USP39: variants seen among roughly 807,000 people sequenced by gnomAD.
The protein encoded by USP39 is ubiquitin carboxyl-terminal hydrolase 39.
Under a neutral mutation model 66.4 loss-of-function variants are expected in USP39, and 38 were observed. That is an observed-to-expected ratio of 0.57 (90% CI 0.44 to 0.75). The LOEUF is 0.75. Ranked by LOEUF, USP39 falls within the 30% of genes least tolerant of loss-of-function variation. The pLI, the probability that USP39 is intolerant of heterozygous loss-of-function variation, is 0.00. For synonymous variants in USP39, 303 were observed against 274.6 expected (o/e 1.10, Z -1.02); for missense variants, 608 against 714.4 (o/e 0.85, Z 1.70).
At chr2:85,627,772 C>T (rs1674991238) in intron 5 of USP39, among the ~76,000 whole-genome samples, 1 of 151,770 alleles carries the variant, frequency 6.6e-6, no homozygotes, top group Admixed American at 6.6e-5. Context: ...AAAGTGCAGG[C>T]ATTACAGGTG....
In USP39 at chr2:85,635,946, A is replaced by G. The variant is rs933501961; in HGVS notation, c.950-107A>G. The G allele has an allele frequency of 4.0e-6, 4 of 1,009,670 alleles. No individual in the cohort carries two copies. The African/African-American group carries it at 4.8e-5, about 12-fold the overall frequency. 62.5% of individuals were successfully genotyped at this position (1,009,670 alleles called of 1,614,324 possible). A position where few individuals can be genotyped will look rare whatever the true frequency, so the allele number is the denominator to read the frequency against. On this transcript the variant is annotated intron_variant, in intron 6 of 12. Transcript: ENST00000323701. ...TGCACGGCAGTTGGGATGGGATGGCATGGCCAGAGAGGAAGGGGGAGAACC... is the reference window on the plus strand; with the variant it reads ...TGCACGGCAGTTGGGATGGGATGGCGTGGCCAGAGAGGAAGGGGGAGAACC...
chr2:85,644,046 A>G (rs1387426070), intron 10 of USP39, among the ~76,000 whole-genome samples: 1 of 152,240 alleles, frequency 6.6e-6, no homozygotes, highest in Non-Finnish European at 1.5e-5. Flanking sequence ...TCACCAATAC[A>G]TAGAAAGCTA....
intron 6 of USP39, among the ~76,000 whole-genome samples, chr2:85,631,912 C>G (rs1390214395): frequency 6.6e-6 from 1 of 150,480 alleles, no homozygotes; most frequent in Admixed American, 6.7e-5. Context: ...ACATGCCCAG[C>G]TAATTTTTGT....
intron 4 of USP39, 46 bp from the exon 5 acceptor site, chr2:85,625,492 TG>T (rs1196278396): frequency 1.2e-6 from 2 of 1,608,080 alleles, no homozygotes; most frequent in African/African-American, 2.7e-5. Flanking sequence ...AGACATTTCT[TG>T]TGAACTCAGC....
intron 7 of USP39, 31 bp from the exon 8 acceptor site, chr2:85,637,338 G>A (rs765252707): frequency 1.2e-5 from 20 of 1,612,378 alleles, no homozygotes; most frequent in South Asian, 9.9e-5. Context: ...CCATCCTCAC[G>A]GAATTTGTCT....
intron 1 of USP39, among the ~76,000 whole-genome samples, chr2:85,603,692 C>T (rs1261369651): frequency 6.6e-6 from 1 of 151,400 alleles, no homozygotes; most frequent in African/African-American, 2.4e-5. Context: ...CACGGGTTCA[C>T]GCCATTCTCC....
chr2:85,625,491 T>C, intron 4 of USP39, 48 bp from the exon 5 acceptor site: 1 of 1,607,942 alleles, frequency 6.2e-7, no homozygotes, highest in Non-Finnish European at 8.5e-7. Flanking sequence ...CAGACATTTC[T>C]TGTGAACTCA....
upstream of USP39, chr2:85,609,502 C>T (rs1391655552): frequency 6.2e-7 from 1 of 1,614,178 alleles, no homozygotes; most frequent in African/African-American, 1.3e-5. Context: ...GAGCTGATGG[C>T]CAGAAGGCTC....
chr2:85,619,555 G>A (rs1674288886), intron 2 of USP39, among the ~76,000 whole-genome samples: 1 of 149,240 alleles, frequency 6.7e-6, no homozygotes, highest in African/African-American at 2.5e-5. Flanking sequence ...AATGTTTATG[G>A]AGTATCTAGT....
chr2:85,636,901 A>G (rs1675817473), intron 7 of USP39, among the ~76,000 whole-genome samples: 2 of 152,146 alleles, frequency 1.3e-5, no homozygotes, highest in Admixed American at 1.3e-4. Flanking sequence ...GCAGGGTTCT[A>G]GAACTTGGTT....
intron 1 of USP39, among the ~76,000 whole-genome samples, chr2:85,605,229 A>C (rs908045617): frequency 6.6e-6 from 1 of 152,142 alleles, no homozygotes; most frequent in Non-Finnish European, 1.5e-5. Flanking sequence ...TACACAAGTT[A>C]TTTCACAACT....
At chr2:85,613,304 C>T (rs1165432687), upstream of USP39, among the ~76,000 whole-genome samples, 5 of 152,016 alleles carry the variant, frequency 3.3e-5, no homozygotes, top group East Asian at 7.7e-4. Flanking sequence ...GTCAGGAGTT[C>T]GAGACTAGCC....
chr2:85,619,656 G>A (rs1436386892), intron 2 of USP39, among the ~76,000 whole-genome samples: 2 of 151,436 alleles, frequency 1.3e-5, no homozygotes, highest in African/African-American at 4.9e-5. Context: ...CCTCATCATA[G>A]CATTCTTTTC....
intron 1 of USP39, among the ~76,000 whole-genome samples, chr2:85,603,595 CTTTT>C (rs767019412): frequency 7.0e-6 from 1 of 143,094 alleles, no homozygotes; most frequent in African/African-American, 2.6e-5. Flanking sequence ...TTTTCTTTTT[CTTTT>C]TTTTTTTTTT....
In USP39 at chr2:85,616,422, G is replaced by C. The variant is rs1220505044; in HGVS notation, c.227G>C (p.Arg76Pro). Residue 76 changes from arginine (R) to proline (P), a missense_variant, in exon 1 of 13, where the codon CGC (arginine) becomes CCC (proline). Around this residue, in one of 6 missense-constraint regions of USP39, gnomAD observed 207 missense variants for 145.7 expected, o/e 1.42. Transcript: ENST00000323701. ...VVPFVRVKRE[R>P]EVDEDSEPER... is the part of the protein sequence containing the mutation. Reference sequence around the variant, plus strand: ...CCGTTTGTGCGGGTGAAGCGGGAGCGCGAGGTCGATGAGGACTCGGAGCCT... The same window carrying C: ...CCGTTTGTGCGGGTGAAGCGGGAGCCCGAGGTCGATGAGGACTCGGAGCCT... The C allele has an allele frequency of 6.3e-7, 1 of 1,593,652 alleles. No homozygotes were observed. Among genetic ancestry groups the C allele is most frequent in the East Asian group, 2.3e-5 (1 of 43,920 alleles).
chr2:85,606,408 G>A (rs974660395), intron 1 of USP39, among the ~76,000 whole-genome samples: 1 of 152,332 alleles, frequency 6.6e-6, no homozygotes, highest in African/African-American at 2.4e-5. Flanking sequence ...AAACTGAATA[G>A]TACTGCCTTG....
chr2:85,615,918 C>G (rs1673887913), upstream of USP39, among the ~76,000 whole-genome samples: 1 of 152,244 alleles, frequency 6.6e-6, no homozygotes, highest in Non-Finnish European at 1.5e-5. Flanking sequence ...GCGTAAGCCA[C>G]CGCGCCCGGC....
chr2:85,616,908 TCTCGATCTC>T (rs1390478106), intron 1 of USP39, among the ~76,000 whole-genome samples: 3 of 151,892 alleles, frequency 2.0e-5, no homozygotes, highest in Non-Finnish European at 2.9e-5. Context: ...GCCAGGATGG[TCTCGATCTC>T]CTGACTTCGT....
rs188502939 is a variant in USP39 at position 85,616,608 on chromosome 2, C to A, written c.268+145C>A. On this transcript the variant is annotated intron_variant, in intron 1 of 12. Coordinates refer to ENST00000323701, the MANE Select transcript of USP39 (RefSeq NM_006590.4). Reference sequence around the variant, plus strand: ...GAGAAGAGGAGGGATCCAGACTCGACGATTCTGCTGTTCGACTTGTTCTGA... The same window carrying A: ...GAGAAGAGGAGGGATCCAGACTCGAAGATTCTGCTGTTCGACTTGTTCTGA... 412 of 1,312,520 alleles carry A rather than the reference C, an allele frequency of 3.1e-4. 5 individuals carry two copies. In the South Asian group the frequency reaches 5.3e-3, roughly 17 times the overall value. 81.3% of individuals were successfully genotyped at this position (1,312,520 alleles called of 1,614,324 possible).
Sources: gnomAD v4.1 joint callset for allele counts (sites outside exome capture counted in the v4.1 genomes callset) on GRCh38, gnomAD v4.1.1 for gene constraint, gnomAD v4.1.1 regional missense constraint, MANE v1.5 for transcripts, NCBI Gene and HGNC (gene_info 2026-07-23, HGNC 2026-07-21) for gene names.